DPP6: variants seen among roughly 807,000 people sequenced by gnomAD.
DPP6 encodes dipeptidyl peptidase like 6, also known as A-type potassium channel modulatory protein DPP6.
DPP6 carries 69 observed loss-of-function variants against 122.6 expected under a neutral mutation model. The observed-to-expected ratio is 0.56, with a 90% CI of 0.46 to 0.69. The LOEUF is 0.69. Among genes scored for constraint, DPP6 ranks in the 30% least tolerant of loss-of-function variants. DPP6 has a pLI of 0.00. For missense variants in DPP6, 928 were observed against 1,116.9 expected (o/e 0.83, Z 2.41); for synonymous variants, 418 against 433.1 (o/e 0.97, Z 0.43).
At chr7:154,270,730 A>G (rs1467857804) in intron 1 of DPP6, among the ~76,000 whole-genome samples, 1 of 152,180 alleles carries the variant, frequency 6.6e-6, no homozygotes, top group Admixed American at 6.5e-5. Context: ...TAGCTCCTGC[A>G]GAACAGGGGA....
At position 154,887,240 on chromosome 7, in the gene DPP6, C is replaced by T. The variant is rs984611106; in HGVS notation, c.2246-436C>T. On this transcript the variant is annotated intron_variant, in intron 22 of 25. Coordinates refer to ENST00000377770, the MANE Select transcript of DPP6 (RefSeq NM_130797.4). The stretch of plus-strand genomic sequence containing the variant: ...CCCCTGACACTCTTCTGTCACCCAG[C>T]TGACCGCAGGGCCTCAGGCAGAACC... Among the ~76,000 whole-genome samples the T allele has an allele frequency of 7.9e-5, 12 of 152,202 alleles. 1 individual carries two copies. The highest frequency in any genetic ancestry group is 5.9e-4 in the Admixed American group (9 of 15,288).
At chr7:154,836,361 G>A (rs1390302445) in intron 16 of DPP6, among the ~76,000 whole-genome samples, 1 of 152,210 alleles carries the variant, frequency 6.6e-6, no homozygotes, top group Non-Finnish European at 1.5e-5. Flanking sequence ...CAACCCACCT[G>A]GGGAGCTGAG....
At chr7:154,788,874 T>C (rs771113556) in intron 10 of DPP6, among the ~76,000 whole-genome samples, 1 of 152,226 alleles carries the variant, frequency 6.6e-6, no homozygotes, top group Non-Finnish European at 1.5e-5. Flanking sequence ...TCCTCTGCCT[T>C]GTGGGAGAAC....
At chr7:154,017,207 A>C (rs1054579206) in intron 1 of DPP6, among the ~76,000 whole-genome samples, 8 of 152,158 alleles carry the variant, frequency 5.3e-5, no homozygotes, top group Admixed American at 4.6e-4. Flanking sequence ...AACTGGGACC[A>C]CAGCATGTGC....
intron 1 of DPP6, chr7:154,305,488 A>G (rs200094542): frequency 8.5e-5 from 136 of 1,599,848 alleles, no homozygotes; most frequent in Non-Finnish European, 1.1e-4. Flanking sequence ...AAGCGCCTGG[A>G]CAGACCATGA....
intron 1 of DPP6, among the ~76,000 whole-genome samples, chr7:153,996,086 T>C (rs913747915): frequency 2.0e-5 from 3 of 152,128 alleles, no homozygotes; most frequent in African/African-American, 4.8e-5. Context: ...TTTGTTGCCA[T>C]GGATGAGTTA....
chr7:154,595,212 T>TG (rs1427104803), intron 5 of DPP6, among the ~76,000 whole-genome samples: 2 of 152,160 alleles, frequency 1.3e-5, no homozygotes, highest in East Asian at 3.9e-4. Flanking sequence ...GCCATCTTCC[T>TG]GCCCTTGTCT....
At chr7:153,749,282 C>T in the DPP6 span, among the ~76,000 whole-genome samples, 1 of 152,180 alleles carries the variant, frequency 6.6e-6, no homozygotes, top group African/African-American at 2.4e-5. The surrounding 1 kb of genome is among the most constrained non-coding windows in gnomAD (Gnocchi z 4.1). Flanking sequence ...AGATCCTACC[C>T]TGCTTTGCGG....
intron 1 of DPP6, among the ~76,000 whole-genome samples, chr7:154,313,685 G>GTGTGTGTGTGTGTGTGTATATATA: frequency 4.9e-5 from 1 of 20,468 alleles, no homozygotes. Context: ...TTAAGATATG[G>GTGTGTGTGTGTGTGTGTATATATA]TATATATATA....
chr7:154,157,263 T>C (rs892245446), intron 1 of DPP6, among the ~76,000 whole-genome samples: 5 of 152,364 alleles, frequency 3.3e-5, no homozygotes, highest in African/African-American at 1.2e-4. Context: ...CAGTGAGGTA[T>C]CTGCTGCACA....
At chr7:154,622,310 A>G (rs1834742895) in intron 5 of DPP6, among the ~76,000 whole-genome samples, 1 of 152,196 alleles carries the variant, frequency 6.6e-6, no homozygotes, top group Admixed American at 6.5e-5. Flanking sequence ...GGAATCACAT[A>G]TGCCAGATAT....
rs71184004 is a variant in DPP6 at position 154,459,974 on chromosome 7, C to CTTT, written c.358+13669_358+13671dup. ...AAGTCTTCTGATATTTATTCATGTGCTTTTTTTTTTTTTTTTTTTTTTTTT... is the reference window on the plus strand; with the variant it reads ...AAGTCTTCTGATATTTATTCATGTGCTTTTTTTTTTTTTTTTTTTTTTTTTTTT... On this transcript the variant is annotated intron_variant, in intron 2 of 25. Transcript: ENST00000377770. Among the ~76,000 whole-genome samples the CTTT allele has an allele frequency of 2.9e-3, 168 of 58,606 alleles. 4 individuals carry two copies. The highest frequency in any genetic ancestry group is 6.4e-3 in the African/African-American group (86 of 13,500). The allele number at this position is 58,606 out of a possible 152,430, so 38.4% of individuals were successfully genotyped here.
At chr7:154,636,707 C>T (rs540303758) in intron 5 of DPP6, among the ~76,000 whole-genome samples, 120 of 152,254 alleles carry the variant, frequency 7.9e-4, no homozygotes, top group African/African-American at 2.8e-3. Flanking sequence ...TTGTGATTTT[C>T]GAGAAGTTAA....
At chr7:154,475,159 A>G in intron 3 of DPP6, 122 bp downstream of exon 3, 1 of 757,472 alleles carries the variant, frequency 1.3e-6, no homozygotes, top group Non-Finnish European at 2.4e-6. Flanking sequence ...GGGGATCTAC[A>G]GAGCTTTTGC....
At chr7:154,406,947 A>G (rs1315602050) in intron 1 of DPP6, among the ~76,000 whole-genome samples, 1 of 152,194 alleles carries the variant, frequency 6.6e-6, no homozygotes, top group Non-Finnish European at 1.5e-5. Flanking sequence ...ACTCCTAATC[A>G]GTGTCACCTG....
chr7:154,371,308 G>GGCAGA (rs1812633729), intron 1 of DPP6, among the ~76,000 whole-genome samples: 1 of 138,776 alleles, frequency 7.2e-6, no homozygotes, highest in Non-Finnish European at 1.5e-5. Context: ...GAACCTGGGA[G>GGCAGA]GCAGAGGTTG....
rs143247517 is a variant in DPP6, at chr7:154,354,661, G to A, written c.244-91553G>A. Among the ~76,000 whole-genome samples the A allele has an allele frequency of 1.6e-3, 241 of 152,248 alleles. 2 individuals carry two copies. The highest frequency in any genetic ancestry group is 3.0e-3 in the Non-Finnish European group (207 of 68,024). The stretch of plus-strand genomic sequence containing the variant: ...AGAATCATGCAATACATATTCGTTT[G>A]CATCTAGCTTAATTTGCCTAAGATT... On this transcript the variant is annotated intron_variant, in intron 1 of 25. Transcript: ENST00000377770.
At chr7:154,292,545 A>T (rs1805278002) in intron 1 of DPP6, among the ~76,000 whole-genome samples, 1 of 152,210 alleles carries the variant, frequency 6.6e-6, no homozygotes, top group African/African-American at 2.4e-5. Flanking sequence ...AGTTTGGTAT[A>T]TTATACAAAT....
At chr7:154,398,399 C>G in intron 1 of DPP6, among the ~76,000 whole-genome samples, 1 of 152,146 alleles carries the variant, frequency 6.6e-6, no homozygotes, top group East Asian at 1.9e-4. Context: ...CCAGATTTAC[C>G]TTTGAGATTC....
Sources: gnomAD v4.1 joint callset for allele counts (sites outside exome capture counted in the v4.1 genomes callset) on GRCh38, gnomAD v4.1.1 for gene constraint, Gnocchi (gnomAD v3.1) non-coding constraint, MANE v1.5 for transcripts, NCBI Gene and HGNC (gene_info 2026-07-23, HGNC 2026-07-21) for gene names.